The following SLAIN1 variants were observed in gnomAD, a reference collection of about 807,000 sequenced individuals.
The protein encoded by SLAIN1 is SLAIN motif-containing protein 1.
Under a neutral mutation model 55.4 loss-of-function variants are expected in SLAIN1, and 17 were observed. That is an observed-to-expected ratio of 0.31 (90% CI 0.21 to 0.46). The LOEUF (loss-of-function observed/expected upper bound fraction) is 0.46, where lower values mean the gene tolerates loss of function less well. Ranked by LOEUF, SLAIN1 falls within the 20% of genes least tolerant of loss-of-function variation. The pLI, the probability that SLAIN1 is intolerant of heterozygous loss-of-function variation, is 1.00. For synonymous variants in SLAIN1, 348 were observed against 337.4 expected, an observed-to-expected ratio of 1.03 and a Z score of -0.35; for missense variants, 682 against 785.1, an observed-to-expected ratio of 0.87 and a Z score of 1.57.
intron 5 of SLAIN1, among the ~76,000 whole-genome samples, chr13:77,755,987 A>G (rs1420495479): frequency 2.0e-5 from 3 of 152,280 alleles, no homozygotes; most frequent in African/African-American, 7.2e-5. Flanking sequence ...CAGAGGTAGG[A>G]TAGAGAGTTG....
At chr13:77,750,456 C>T (rs1874130688) in intron 4 of SLAIN1, among the ~76,000 whole-genome samples, 1 of 152,004 alleles carries the variant, frequency 6.6e-6, no homozygotes, top group Admixed American at 6.6e-5. Context: ...GTCTTTTTTA[C>T]ACCAGTTTTT....
At chr13:77,757,370 G>A (rs1367974255) in intron 5 of SLAIN1, among the ~76,000 whole-genome samples, 1 of 151,972 alleles carries the variant, frequency 6.6e-6, no homozygotes, top group Admixed American at 6.6e-5. Flanking sequence ...CCTAAGGGAG[G>A]ATCTTACATA....
Position 77,746,632 on chromosome 13 carries a change from G to A in SLAIN1, c.1035G>A (p.Leu345=). Residue 345 remains leucine (L), a synonymous_variant, in exon 4 of 7, where the codon CTG becomes CTA. Transcript: ENST00000418532. ...ATCAAGAATATGACCAATACAGTCT[G>A]GAGGATGAAGAGGAATTTGATCATT... is the stretch of plus-strand genomic sequence containing the variant. ...CSDQEYDQYS[L]EDEEEFDHLP... 1 of 1,613,690 alleles carries A rather than the reference G, an allele frequency of 6.2e-7. No individual in the cohort carries two copies. Among genetic ancestry groups the A allele is most frequent in the East Asian group, 2.2e-5 (1 of 44,866 alleles).
chr13:77,731,365 A>G (rs138945524), intron 2 of SLAIN1, among the ~76,000 whole-genome samples: 100 of 152,338 alleles, frequency 6.6e-4, no homozygotes, highest in African/African-American at 2.3e-3. Context: ...TTCAAACTAT[A>G]ATCCTGTACC....
chr13:77,747,850 C>G (rs915078399), intron 4 of SLAIN1, among the ~76,000 whole-genome samples: 19 of 152,224 alleles, frequency 1.2e-4, no homozygotes, highest in African/African-American at 2.2e-4. Context: ...TCCACACTTG[C>G]AGAAGTTGGA....
intron 1 of SLAIN1, among the ~76,000 whole-genome samples, chr13:77,700,510 TAA>T (rs1404276446): frequency 1.3e-5 from 2 of 152,226 alleles, no homozygotes; most frequent in African/African-American, 4.8e-5. Flanking sequence ...TTAAAAATTT[TAA>T]AGTTACCTGA....
intron 2 of SLAIN1, chr13:77,743,220 C>T (rs1000074448): frequency 4.8e-5 from 58 of 1,209,852 alleles, no homozygotes; most frequent in East Asian, 3.5e-4. Flanking sequence ...TTACTAAACA[C>T]GGCTTAAATA....
In SLAIN1 at chr13:77,718,272, G is replaced by C. The variant is rs540896073; in HGVS notation, c.627-1260G>C. 1.1e-3 allele frequency among the ~76,000 whole-genome samples: 161 copies of C among 152,128 alleles called. 1 individual carries two copies. Among genetic ancestry groups the C allele is most frequent in the Non-Finnish European group, 1.6e-3 (111 of 67,968 alleles). On this transcript the variant is annotated intron_variant, in intron 1 of 6. Coordinates refer to ENST00000418532, the MANE Select transcript of SLAIN1 (RefSeq NM_001242868.2). ...TTTAAATGATGAAAAAAAATACAAA[G>C]AATGTGAAAACTATGGGAAATTCAA... is the stretch of plus-strand genomic sequence containing the variant.
rs1189035704 is a variant in SLAIN1 at position 77,702,497 on chromosome 13, TACAA to T, written c.626+3962_626+3965del. Reference sequence around the variant, plus strand: ...GTCACCAGGCTCTGCAGCACCAGAGTACAAACAGAGTAATTCAGATTGGTCTGAA... The same window carrying T: ...GTCACCAGGCTCTGCAGCACCAGAGTACAGAGTAATTCAGATTGGTCTGAA... On this transcript the variant is annotated intron_variant, in intron 1 of 6. Coordinates refer to ENST00000418532, the MANE Select transcript of SLAIN1 (RefSeq NM_001242868.2). 4.6e-5 allele frequency among the ~76,000 whole-genome samples: 7 copies of T among 152,076 alleles called. No homozygotes were observed. In the South Asian group the frequency reaches 1.2e-3, roughly 27 times the overall value.
chr13:77,739,130 A>G (rs1873282584), intron 2 of SLAIN1, among the ~76,000 whole-genome samples: 1 of 152,084 alleles, frequency 6.6e-6, no homozygotes, highest in Non-Finnish European at 1.5e-5. Context: ...GATTGATATA[A>G]AATTCAGCAA....
chr13:77,719,925 C>T (rs2091245417), intron 2 of SLAIN1, among the ~76,000 whole-genome samples: 3 of 148,538 alleles, frequency 2.0e-5, no homozygotes. Context: ...AAATTTATTT[C>T]TTTTTTTTTT....
intron 6 of SLAIN1, among the ~76,000 whole-genome samples, chr13:77,762,679 T>G (rs780359607): frequency 1.3e-5 from 2 of 152,208 alleles, no homozygotes; most frequent in African/African-American, 2.4e-5. Flanking sequence ...GGATTATAGA[T>G]GTGAGCCACT....
Position 77,698,583 on chromosome 13 carries a change from G to A in SLAIN1, c.626+44G>A. 1 of 1,363,462 alleles carries A rather than the reference G, an allele frequency of 7.3e-7. No individual in the cohort carries two copies. The highest frequency in any genetic ancestry group is 1.5e-5 in the African/African-American group (1 of 66,074). 84.5% of individuals were successfully genotyped at this position (1,363,462 alleles called of 1,614,324 possible). A position where few individuals can be genotyped will look rare whatever the true frequency, so the allele number is the denominator to read the frequency against. On this transcript the variant is annotated intron_variant, in intron 1 of 6. Transcript: ENST00000418532. This position sits in a 1 kb window ranked among gnomAD's most constrained non-coding sequence, Gnocchi z 4.1. ...CCTTCCCCGAGACCCTGGCCTCGGG[G>A]GCTTCGGGCACCGGGGAGCGGGGGC...
intron 5 of SLAIN1, among the ~76,000 whole-genome samples, chr13:77,754,918 G>C (rs749073639): frequency 1.1e-4 from 16 of 152,126 alleles, no homozygotes; most frequent in Non-Finnish European, 7.3e-5. Flanking sequence ...CTATGTTAAG[G>C]CTTGACCTAT....
At chr13:77,726,387 A>AC (rs1297616172) in intron 2 of SLAIN1, among the ~76,000 whole-genome samples, 2 of 152,078 alleles carry the variant, frequency 1.3e-5, no homozygotes, top group Middle Eastern at 3.2e-3. Flanking sequence ...TGTATCTAAT[A>AC]CCCCTAATTC....
intron 2 of SLAIN1, among the ~76,000 whole-genome samples, chr13:77,734,236 C>G (rs1240165588): frequency 6.6e-6 from 1 of 151,834 alleles, no homozygotes; most frequent in Admixed American, 6.6e-5. Flanking sequence ...GGTAAAACTC[C>G]CTGCCAATTT....
chr13:77,715,507 T>A (rs770232016), intron 1 of SLAIN1, among the ~76,000 whole-genome samples: 4 of 152,134 alleles, frequency 2.6e-5, no homozygotes, highest in Non-Finnish European at 5.9e-5. Flanking sequence ...TTTAAGAAGC[T>A]GCCAAACTCT....
Position 77,698,123 on chromosome 13 carries a change from G to A in SLAIN1, c.210G>A (p.Pro70=). 2.0e-6 allele frequency: 2 copies of A among 978,098 alleles called. No homozygotes were observed. The highest frequency in any genetic ancestry group is 2.3e-6 in the Non-Finnish European group (2 of 854,452). 60.6% of individuals were successfully genotyped at this position (978,098 alleles called of 1,614,324 possible). The change falls in exon 1 of 7, where the codon CCG becomes CCA. Residue 70 remains proline, a synonymous_variant. Coordinates refer to ENST00000418532, the MANE Select transcript of SLAIN1 (RefSeq NM_001242868.2). This position sits in a 1 kb window ranked among gnomAD's most constrained non-coding sequence, Gnocchi z 4.1. The part of the protein sequence containing the change: ...LLLPPPPPAA[P]PPAGLQPLGP... ...TGCCGCCGCCGCCGCCCGCCGCGCC[G>A]CCCCCCGCTGGCCTGCAGCCTTTGG...
chr13:77,697,898 GC>G lies in SLAIN1; in HGVS notation c.-13del, dbSNP rs139888174. The G allele has an allele frequency of 4.5e-3, 6,127 of 1,347,490 alleles. 237 individuals are homozygous for G. The African/African-American group carries it at 0.085, about 19-fold the overall frequency. 83.5% of individuals were successfully genotyped at this position (1,347,490 alleles called of 1,614,324 possible). ...GCGCGCACTCCCCGGCGGCCGCGGC[GC>G]CCTCGGGGCCCACGATGATGGCGGA... On this transcript the variant is annotated 5_prime_UTR_variant, in exon 1 of 7. Transcript: ENST00000418532.
Sources: gnomAD v4.1 joint callset for allele counts (sites outside exome capture counted in the v4.1 genomes callset) on GRCh38, gnomAD v4.1.1 for gene constraint, Gnocchi (gnomAD v3.1) non-coding constraint, MANE v1.5 for transcripts, NCBI Gene and HGNC (gene_info 2026-07-23, HGNC 2026-07-21) for gene names.